The following AIG1 variants were observed in gnomAD, a reference collection of about 807,000 sequenced individuals.
AIG1 encodes androgen-induced gene 1 protein.
Under a neutral mutation model 31.4 loss-of-function variants are expected in AIG1, and 23 were observed. The observed-to-expected ratio is 0.73, with a 90% CI of 0.53 to 1.04. The LOEUF is 1.04. Among genes scored for constraint, AIG1 ranks in the 50% least tolerant of loss-of-function variants. The pLI, the probability that AIG1 is intolerant of heterozygous loss-of-function variation, is 0.00. For missense variants in AIG1, 274 were observed against 295.0 expected (o/e 0.93, Z 0.52); for synonymous variants, 100 against 110.5 (o/e 0.90, Z 0.60).
In AIG1 at chr6:143,301,023, A is replaced by G. The variant is rs1477887627; in HGVS notation, c.515+16798A>G. 2.0e-5 allele frequency among the ~76,000 whole-genome samples: 3 copies of G among 152,198 alleles called. No individual in the cohort carries two copies. In the East Asian group the frequency reaches 5.8e-4, roughly 29 times the overall value. On this transcript the variant is annotated intron_variant, in intron 4 of 5. Transcript: ENST00000357847. ...ACCCAGGCTAGAGTGCAGTGGCACAATCTCAGCTCACTGCAAGTTAATAGT... is the reference window on the plus strand; with the variant it reads ...ACCCAGGCTAGAGTGCAGTGGCACAGTCTCAGCTCACTGCAAGTTAATAGT...
intron 1 of AIG1, among the ~76,000 whole-genome samples, chr6:143,129,891 A>G (rs372497741): frequency 1.8e-4 from 27 of 148,562 alleles, no homozygotes; most frequent in African/African-American, 5.4e-4. Flanking sequence ...TCATTATGAA[A>G]TGTTCCTCTA....
At chr6:143,271,876 T>C (rs1796550944) in intron 3 of AIG1, among the ~76,000 whole-genome samples, 1 of 152,222 alleles carries the variant, frequency 6.6e-6, no homozygotes, top group Admixed American at 6.5e-5. Context: ...AGAACTTATT[T>C]CTTATTCCTC....
Position 143,329,562 on chromosome 6 carries a change from T to C in AIG1, c.516-3720T>C, listed in dbSNP as rs1230621783. Among the ~76,000 whole-genome samples the C allele has an allele frequency of 6.6e-6, 1 of 152,182 alleles. No homozygotes were observed. The highest frequency in any genetic ancestry group is 1.9e-4 in the East Asian group (1 of 5,196). Reference sequence around the variant, plus strand: ...GAGAATGCCATGCTATATCTAGAATTGCTGAGAAGACTAGATGACATTGTG... The same window carrying C: ...GAGAATGCCATGCTATATCTAGAATCGCTGAGAAGACTAGATGACATTGTG... On this transcript the variant is annotated intron_variant, in intron 4 of 5. Coordinates refer to ENST00000357847, the MANE Select transcript of AIG1 (RefSeq NM_016108.4). This position sits in a 1 kb window ranked among gnomAD's most constrained non-coding sequence, Gnocchi z 4.9.
chr6:143,232,921 C>A (rs1292673108), intron 3 of AIG1, among the ~76,000 whole-genome samples: 1 of 152,220 alleles, frequency 6.6e-6, no homozygotes, highest in Non-Finnish European at 1.5e-5. Context: ...GATGTCCTTT[C>A]AGAGTCACAC....
rs1004786962 is a variant in AIG1, at chr6:143,175,229, C to G, written c.399+10046C>G. On this transcript the variant is annotated intron_variant, in intron 3 of 5. Coordinates refer to ENST00000357847, the MANE Select transcript of AIG1 (RefSeq NM_016108.4). ...TACCTGATGCTTTTGCCTCACAGCTCTTAAGATTCTTTCCTTTGTGTTGAT... is the reference window on the plus strand; with the variant it reads ...TACCTGATGCTTTTGCCTCACAGCTGTTAAGATTCTTTCCTTTGTGTTGAT... 2.0e-5 allele frequency among the ~76,000 whole-genome samples: 3 copies of G among 152,314 alleles called. No homozygotes were observed. The South Asian group carries it at 6.2e-4, about 32-fold the overall frequency.
chr6:143,267,674 T>C (rs999623885), intron 3 of AIG1, among the ~76,000 whole-genome samples: 2 of 152,190 alleles, frequency 1.3e-5, no homozygotes, highest in African/African-American at 4.8e-5. Flanking sequence ...ATCATAGACT[T>C]ATGACTATCA....
chr6:143,113,787 T>C (rs566610425), intron 1 of AIG1, among the ~76,000 whole-genome samples: 45 of 152,038 alleles, frequency 3.0e-4, no homozygotes, highest in Non-Finnish European at 5.1e-4. Flanking sequence ...GTTTTCTTTT[T>C]TTTTTGAGAC....
intron 1 of AIG1, among the ~76,000 whole-genome samples, chr6:143,121,606 G>A (rs1412705823): frequency 2.6e-5 from 4 of 152,182 alleles, no homozygotes; most frequent in Admixed American, 6.5e-5. Flanking sequence ...AGCAATTCCA[G>A]TGTGTGTCTG....
chr6:143,215,947 C>T (rs925191394), intron 3 of AIG1, among the ~76,000 whole-genome samples: 102 of 152,098 alleles, frequency 6.7e-4, no homozygotes, highest in African/African-American at 2.3e-3. Flanking sequence ...AATACATAAA[C>T]GAATGAGTGA....
At chr6:143,081,945 C>T (rs1430719765) in intron 1 of AIG1, among the ~76,000 whole-genome samples, 1 of 152,006 alleles carries the variant, frequency 6.6e-6, no homozygotes, top group African/African-American at 2.4e-5. Flanking sequence ...TGGCGATTCC[C>T]TATATTTCCC....
chr6:143,066,135 T>C (rs551628217), intron 1 of AIG1, among the ~76,000 whole-genome samples: 72 of 152,172 alleles, frequency 4.7e-4, no homozygotes, highest in Non-Finnish European at 7.1e-4. Context: ...TGAATCAGAG[T>C]CTGCATTTTA....
intron 2 of AIG1, among the ~76,000 whole-genome samples, chr6:143,143,767 A>G (rs1289850409): frequency 6.6e-6 from 1 of 151,878 alleles, no homozygotes; most frequent in Non-Finnish European, 1.5e-5. Context: ...AGTTAATCAA[A>G]TGCTTGCCCC....
intron 3 of AIG1, among the ~76,000 whole-genome samples, chr6:143,185,553 G>A (rs960806502): frequency 3.3e-5 from 5 of 152,336 alleles, no homozygotes; most frequent in Admixed American, 2.0e-4. Flanking sequence ...ACTTGCTCAT[G>A]CATGCATTGC....
chr6:143,060,862 G>C, upstream of AIG1: 1 of 1,146,864 alleles, frequency 8.7e-7, no homozygotes, highest in Non-Finnish European at 1.1e-6. Context: ...CCGCCCCCGC[G>C]CGCCCGGCGC....
At chr6:143,198,202 A>G (rs1241223127) in intron 3 of AIG1, among the ~76,000 whole-genome samples, 2 of 152,250 alleles carry the variant, frequency 1.3e-5, no homozygotes, top group African/African-American at 2.4e-5. Context: ...AACAGCTATC[A>G]TTCCATTTTA....
chr6:143,152,301 C>G (rs1785313743), intron 2 of AIG1, among the ~76,000 whole-genome samples: 1 of 152,182 alleles, frequency 6.6e-6, no homozygotes, highest in Non-Finnish European at 1.5e-5. Flanking sequence ...CTGGATGTCT[C>G]TCCTGTGTAC....
At chr6:143,210,811 A>G (rs549170621) in intron 3 of AIG1, among the ~76,000 whole-genome samples, 8 of 152,352 alleles carry the variant, frequency 5.3e-5, no homozygotes, top group African/African-American at 1.2e-4. Context: ...AGTCAAATCA[A>G]TATGGCAAAA....
chr6:143,205,519 T>C (rs1791043107), intron 3 of AIG1, among the ~76,000 whole-genome samples: 1 of 152,220 alleles, frequency 6.6e-6, no homozygotes, highest in African/African-American at 2.4e-5. Context: ...ACATTATATA[T>C]TCTGGTGATA....
At chr6:143,187,875 T>A in intron 3 of AIG1, 1 of 1,397,500 alleles carries the variant, frequency 7.2e-7, no homozygotes, top group Non-Finnish European at 9.3e-7. Flanking sequence ...TCCGCAGCAT[T>A]GTCAAAAATT....
Sources: allele counts gnomAD v4.1 joint callset (sites outside exome capture counted in the v4.1 genomes callset), GRCh38; gene constraint gnomAD v4.1.1; non-coding constraint Gnocchi (gnomAD v3.1); transcripts MANE v1.5; gene names NCBI Gene and HGNC (gene_info 2026-07-23, HGNC 2026-07-21).